Variants in KRT86 observed in about 807,000 individuals in gnomAD.
The protein encoded by KRT86 is keratin 86, also known as keratin, type II cuticular Hb6.
A neutral mutation model predicts 41.2 loss-of-function variants in KRT86; 30 were observed. That is an observed-to-expected ratio of 0.73 (90% CI 0.54 to 0.99). KRT86 has a LOEUF of 0.99. KRT86 is among the 50% of genes least tolerant of loss of function. The pLI, the probability that KRT86 is intolerant of heterozygous loss-of-function variation, is 0.00. For synonymous variants in KRT86, 238 were observed against 238.1 expected (o/e 1.00, Z 0.00); for missense variants, 561 against 571.4 (o/e 0.98, Z 0.19).
chr12:52,276,705 G>T (rs1028446890), intron 2 of KRT86, among the ~76,000 whole-genome samples: 1 of 152,150 alleles, frequency 6.6e-6, no homozygotes, highest in Non-Finnish European at 1.5e-5. Context: ...CTAGGCCTCT[G>T]CAAGCACTTG....
At position 52,308,943 on chromosome 12, in the gene KRT86, A is replaced by G. The variant is rs116249711; in HGVS notation, c.*358A>G. The G allele has an allele frequency of 9.4e-3, 3,025 of 321,652 alleles. 109 individuals are homozygous for G. Among genetic ancestry groups the G allele is most frequent in the African/African-American group, 0.063 (2,825 of 44,564 alleles). 19.9% of individuals were successfully genotyped at this position (321,652 alleles called of 1,614,324 possible). Reference sequence around the variant, plus strand: ...GAGGCCCGGGAATGTCCCTGTCTGCACGACCTGGGACTCTGCCCATGTGCT... The same window carrying G: ...GAGGCCCGGGAATGTCCCTGTCTGCGCGACCTGGGACTCTGCCCATGTGCT... On this transcript the variant is annotated 3_prime_UTR_variant, in exon 11 of 11. Coordinates refer to ENST00000423955, the MANE Select transcript of KRT86 (RefSeq NM_001320198.2).
chr12:52,305,708 C>A lies in KRT86; in HGVS notation c.946C>A (p.Arg316Ser), dbSNP rs369280939. Reference protein sequence around the residue: ...ATVIRHGETLRRTKEEINELN... With the variant: ...ATVIRHGETLSRTKEEINELN... The stretch of plus-strand genomic sequence containing the variant: ...GGTGATCAGGCACGGGGAGACCCTG[C>A]GCCGCACCAAGGAGGAGATCAACGA... Residue 316 changes from arginine (R) to serine (S), a missense_variant, in exon 8 of 11, where the codon CGC becomes AGC. Physicochemically the swap from Arg to Ser is moderately radical, Grantham distance 110 (BLOSUM62 -1). Around this residue, in one of 3 missense-constraint regions of KRT86, gnomAD observed 397 missense variants for 375.9 expected, o/e 1.06. Coordinates refer to ENST00000423955, the MANE Select transcript of KRT86 (RefSeq NM_001320198.2). 9.9e-5 allele frequency: 160 copies of A among 1,613,966 alleles called. No individual in the cohort carries two copies. The East Asian group carries it at 3.2e-3, about 32-fold the overall frequency.
At chr12:52,298,621 G>A (rs533783633) in intron 2 of KRT86, among the ~76,000 whole-genome samples, 196 of 152,194 alleles carry the variant, frequency 1.3e-3, no homozygotes, top group Admixed American at 2.0e-3. Context: ...TTTATGAGGT[G>A]GGTACTATTA....
At chr12:52,302,842 G>GGT (rs1555187699) in intron 3 of KRT86, among the ~76,000 whole-genome samples, 3 of 20,124 alleles carry the variant, frequency 1.5e-4, no homozygotes, top group African/African-American at 6.5e-4. Flanking sequence ...GGTGGGGGGT[G>GGT]GGGGGGGGGT....
intron 2 of KRT86, among the ~76,000 whole-genome samples, chr12:52,280,986 T>C (rs920345786): frequency 6.6e-6 from 1 of 152,208 alleles, no homozygotes; most frequent in Admixed American, 6.5e-5. Context: ...ACTTGCCTGA[T>C]GTCAATCCAG....
intron 2 of KRT86, among the ~76,000 whole-genome samples, chr12:52,298,904 A>G (rs1592433563): frequency 6.6e-6 from 1 of 152,186 alleles, no homozygotes; most frequent in Admixed American, 6.5e-5. Context: ...TGATCAAATC[A>G]GAGTACTTGG....
Position 52,275,883 on chromosome 12 carries a change from T to A in KRT86, c.-68T>A. The A allele has an allele frequency of 2.0e-6, 2 of 985,972 alleles. No individual in the cohort carries two copies. Among genetic ancestry groups the A allele is most frequent in the Non-Finnish European group, 2.4e-6 (2 of 829,978 alleles). The allele number at this position is 985,972 out of a possible 1,614,324, so 61.1% of individuals were successfully genotyped here. A position where few individuals can be genotyped will look rare whatever the true frequency, so the allele number is the denominator to read the frequency against. On this transcript the variant is annotated 5_prime_UTR_variant, in exon 2 of 11. Transcript: ENST00000423955. Reference sequence around the variant, plus strand: ...AGAGCCTGAAGCCCAGCAAGGAGGATCTGAACAGGCTTAATCAGGCCATCC... The same window carrying A: ...AGAGCCTGAAGCCCAGCAAGGAGGAACTGAACAGGCTTAATCAGGCCATCC...
chr12:52,295,655 A>G (rs1938232995), intron 2 of KRT86, among the ~76,000 whole-genome samples: 1 of 152,224 alleles, frequency 6.6e-6, no homozygotes, highest in Non-Finnish European at 1.5e-5. Flanking sequence ...ATACCCAGAT[A>G]ATGAACAAAA....
chr12:52,301,691 G>A (rs1389893113), intron 2 of KRT86: 1 of 323,188 alleles, frequency 3.1e-6, no homozygotes, highest in African/African-American at 2.3e-5. Flanking sequence ...CATAACATCT[G>A]GCTGCTTCTG....
At chr12:52,287,688 C>G (rs573645133) in intron 2 of KRT86, 1 of 1,613,934 alleles carries the variant, frequency 6.2e-7, no homozygotes, top group Middle Eastern at 1.7e-4. Flanking sequence ...AGGGTCTCCC[C>G]GTGCCTGATC....
intron 2 of KRT86, among the ~76,000 whole-genome samples, chr12:52,277,962 C>T: frequency 6.6e-6 from 1 of 152,198 alleles, no homozygotes; most frequent in East Asian, 1.9e-4. Context: ...GTCATCCACC[C>T]CAGTATCAGA....
chr12:52,288,508 A>G, intron 2 of KRT86: 1 of 1,602,494 alleles, frequency 6.2e-7, no homozygotes. Context: ...TCCAGCCCCC[A>G]GACTCCTCTC....
Position 52,301,923 on chromosome 12 carries a change from T to G in KRT86, c.7T>G (p.Cys3Gly). MT[C>G]GSYCGGRAFS... ...CTCTTCCCCAAAAAGCACCATGACTTGTGGATCTTACTGTGGTGGCCGCGC... is the reference window on the plus strand; with the variant it reads ...CTCTTCCCCAAAAAGCACCATGACTGGTGGATCTTACTGTGGTGGCCGCGC... Residue 3 changes from cysteine to glycine, a missense_variant, in exon 3 of 11, where the codon TGT (cysteine) becomes GGT (glycine). Physicochemically the swap from Cys to Gly is radical, Grantham distance 159 (BLOSUM62 -3). Transcript: ENST00000423955. The G allele has an allele frequency of 6.2e-7, 1 of 1,613,824 alleles. No individual in the cohort carries two copies. The highest frequency in any genetic ancestry group is 8.5e-7 in the Non-Finnish European group (1 of 1,179,772).
In KRT86 at chr12:52,286,331, C is replaced by G; in HGVS notation, c.-5+10385C>G. The stretch of plus-strand genomic sequence containing the variant: ...ACCACAGGAGCCCACGCCGCAGGAA[C>G]CCCCTCCGCAGGTGGTGTTCAATTG... On this transcript the variant is annotated intron_variant, in intron 2 of 10. Coordinates refer to ENST00000423955, the MANE Select transcript of KRT86 (RefSeq NM_001320198.2). 6.4e-7 allele frequency: 1 copy of G among 1,554,942 alleles called. No individual in the cohort carries two copies. Among genetic ancestry groups the G allele is most frequent in the East Asian group, 2.4e-5 (1 of 41,362 alleles).
intron 9 of KRT86, chr12:52,306,775 G>A: frequency 9.7e-6 from 2 of 206,640 alleles, no homozygotes; most frequent in South Asian, 1.9e-4. Flanking sequence ...ATTGTGGCAG[G>A]TGGGAATGAG....
In KRT86 at chr12:52,287,231, C is replaced by T. The variant is rs142439125; in HGVS notation, c.-5+11285C>T. 3.1e-6 allele frequency: 5 copies of T among 1,614,004 alleles called. 1 individual carries two copies. In the South Asian group the frequency reaches 4.4e-5, roughly 14 times the overall value. ...GTCCTGCTTGGCCTTCTGCAGGGCGCCCTCCAGCTCGGCCAGCTTGCAGCG... is the reference window on the plus strand; with the variant it reads ...GTCCTGCTTGGCCTTCTGCAGGGCGTCCTCCAGCTCGGCCAGCTTGCAGCG... On this transcript the variant is annotated intron_variant, in intron 2 of 10. Transcript: ENST00000423955.
At chr12:52,306,601 C>A in intron 9 of KRT86, 1 of 494,410 alleles carries the variant, frequency 2.0e-6, no homozygotes, top group Non-Finnish European at 3.7e-6. Flanking sequence ...CCAGCTGTAG[C>A]TGCATGTGCT....
At chr12:52,294,184 T>A (rs1009782158) in intron 2 of KRT86, among the ~76,000 whole-genome samples, 2 of 152,224 alleles carry the variant, frequency 1.3e-5, no homozygotes, top group East Asian at 3.8e-4. Flanking sequence ...TGAGCAGTGA[T>A]GTCCCCAGTA....
chr12:52,306,113 C>T lies in KRT86; in HGVS notation c.1080C>T (p.Ala360=), dbSNP rs1565750407. ...AGTCTGAGCAGCAGGGTGAGGCGGC[C>T]CTCAGCGATGCCCGCTGCAAGTTGG... ...VAQSEQQGEA[A]LSDARCKLAE... The change falls in exon 9 of 11, where the codon GCC becomes GCT. Residue 360 remains alanine (A), a synonymous_variant. Transcript: ENST00000423955. 7 of 1,614,024 alleles carry T rather than the reference C, an allele frequency of 4.3e-6. No homozygotes were observed. The highest frequency in any genetic ancestry group is 5.9e-6 in the Non-Finnish European group (7 of 1,180,042).
Sources: allele counts gnomAD v4.1 joint callset (sites outside exome capture counted in the v4.1 genomes callset), GRCh38; gene constraint gnomAD v4.1.1; regional missense constraint gnomAD v4.1.1; transcripts MANE v1.5; gene names NCBI Gene and HGNC (gene_info 2026-07-23, HGNC 2026-07-21).